The following PHF20 variants were observed in gnomAD, a reference collection of about 807,000 sequenced individuals.
PHF20 encodes glioma-expressed antigen 2.
In PHF20, 23 loss-of-function variants were observed where a neutral mutation model predicts 113.5. The ratio of observed to expected loss-of-function variants is 0.20; its 90% CI spans 0.15 to 0.29. The LOEUF is 0.29. Among genes scored for constraint, PHF20 ranks in the 10% least tolerant of loss-of-function variants. The probability of loss-of-function intolerance (pLI) is 1.00; values close to 1 mark genes in which losing one functional copy is unlikely to be tolerated. For missense variants in PHF20, 943 were observed against 1,219.6 expected, an observed-to-expected ratio of 0.77 and a Z score of 3.38; for synonymous variants, 434 against 457.3, an observed-to-expected ratio of 0.95 and a Z score of 0.65.
intron 2 of PHF20, among the ~76,000 whole-genome samples, chr20:35,831,742 T>C (rs2425158): frequency 0.26 from 39,333 of 152,120 alleles, 5,903 homozygotes; most frequent in African/African-American, 0.42. Flanking sequence ...CGCCCAGCCT[T>C]ACACACTAAA....
chr20:35,780,785 T>C (rs1324219686), intron 1 of PHF20, among the ~76,000 whole-genome samples: 1 of 151,572 alleles, frequency 6.6e-6, no homozygotes, highest in Non-Finnish European at 1.5e-5. Flanking sequence ...TGATCTCAGA[T>C]GATCCACCAG....
In PHF20 at chr20:35,913,306, A is replaced by T; in HGVS notation, c.1619A>T (p.Lys540Met). The part of the protein sequence containing the change: ...EKKFKEFVRV[K>M]PKKKKKKKKK... ...AAATTCAAGGAGTTTGTGAGAGTGA[A>T]GCCAAAGAAGAAAAAGAAAAAGAAA... Residue 540 changes from lysine (K) to methionine (M), a missense_variant, in exon 11 of 18, where the codon AAG (lysine) becomes ATG (methionine). This residue lies in a region of PHF20 where 592 missense variants were observed against 787.2 expected (regional missense o/e 0.75). Transcript: ENST00000374012. 1 of 1,603,054 alleles carries T rather than the reference A, an allele frequency of 6.2e-7. No homozygotes were observed. The highest frequency in any genetic ancestry group is 8.5e-7 in the Non-Finnish European group (1 of 1,175,302).
chr20:35,849,778 A>G (rs2146948753), intron 4 of PHF20, among the ~76,000 whole-genome samples: 2 of 149,616 alleles, frequency 1.3e-5, no homozygotes, highest in Admixed American at 1.3e-4. Flanking sequence ...TATTTCCTGT[A>G]AATGTCACTT....
chr20:35,804,130 G>GCA (rs2041837485), intron 2 of PHF20, among the ~76,000 whole-genome samples: 1 of 151,388 alleles, frequency 6.6e-6, no homozygotes, highest in African/African-American at 2.4e-5. Context: ...GCTGGAGTGT[G>GCA]GTGGCACAAT....
intron 10 of PHF20, among the ~76,000 whole-genome samples, chr20:35,908,367 C>T (rs1437370842): frequency 6.6e-6 from 1 of 152,254 alleles, no homozygotes; most frequent in East Asian, 1.9e-4. Context: ...TGACCACTAT[C>T]TTTAGCCAGA....
intron 1 of PHF20, among the ~76,000 whole-genome samples, chr20:35,798,881 C>G (rs1015662752): frequency 1.3e-5 from 2 of 152,048 alleles, no homozygotes; most frequent in African/African-American, 4.8e-5. Flanking sequence ...CCTGCCTCAG[C>G]CTTTTCAGTA....
chr20:35,919,382 C>T (rs2055468260), intron 13 of PHF20, among the ~76,000 whole-genome samples: 1 of 150,348 alleles, frequency 6.7e-6, no homozygotes, highest in Non-Finnish European at 1.5e-5. Flanking sequence ...CTCTGTCACC[C>T]AGGCTGGAGT....
chr20:35,779,817 G>A (rs1429330496), intron 1 of PHF20, among the ~76,000 whole-genome samples: 3 of 152,152 alleles, frequency 2.0e-5, no homozygotes, highest in Admixed American at 6.6e-5. Context: ...CACTGTGCCC[G>A]GCCAATGCCT....
rs1600946852 is a variant in PHF20 at position 35,926,261 on chromosome 20, G to A, written c.2005-1519G>A. Among the ~76,000 whole-genome samples, 6 of 124,662 alleles carry A rather than the reference G, an allele frequency of 4.8e-5. No individual in the cohort carries two copies. The East Asian group carries it at 9.4e-4, about 20-fold the overall frequency. The allele number at this position is 124,662 out of a possible 152,430, so 81.8% of individuals were successfully genotyped here. ...TTTTTTTTTTTTTTTTTTTTGAGAC[G>A]GAGTCTCGCTCTGTGGCCCAGGTGG... On this transcript the variant is annotated intron_variant, in intron 13 of 17. Coordinates refer to ENST00000374012, the MANE Select transcript of PHF20 (RefSeq NM_016436.5).
At position 35,927,766 on chromosome 20, in the gene PHF20, T is replaced by C; in HGVS notation, c.2005-14T>C. ...TTCTGAGTTTAATTTTTGTTGCTTC[T>C]TTAATTCTAACAGTGTGAAGAGTGC... On this transcript the variant is annotated splice_polypyrimidine_tract_variant and intron_variant, in intron 13 of 17. Transcript: ENST00000374012. 6.2e-7 allele frequency: 1 copy of C among 1,601,416 alleles called. No individual in the cohort carries two copies. Among genetic ancestry groups the C allele is most frequent in the Non-Finnish European group, 8.6e-7 (1 of 1,168,458 alleles).
intron 3 of PHF20, among the ~76,000 whole-genome samples, chr20:35,846,063 C>T (rs2042618230): frequency 1.3e-5 from 2 of 152,114 alleles, no homozygotes; most frequent in Admixed American, 1.3e-4. Flanking sequence ...CTGTGTCCGG[C>T]TTATTTTCTG....
intron 1 of PHF20, among the ~76,000 whole-genome samples, chr20:35,786,215 C>G (rs1275757730): frequency 6.8e-6 from 1 of 146,352 alleles, no homozygotes; most frequent in Non-Finnish European, 1.5e-5. Context: ...GGTAAAACCC[C>G]GTCTCTACTA....
At chr20:35,804,337 C>T (rs1434990636) in intron 2 of PHF20, among the ~76,000 whole-genome samples, 1 of 151,450 alleles carries the variant, frequency 6.6e-6, no homozygotes, top group East Asian at 1.9e-4. Context: ...GGGTTCACGC[C>T]ATTCTCCTGC....
intron 13 of PHF20, among the ~76,000 whole-genome samples, chr20:35,919,968 G>C (rs6058364): frequency 0.098 from 14,844 of 152,202 alleles, 780 homozygotes; most frequent in South Asian, 0.15. Context: ...ATAATCACTA[G>C]AGCTTATTCA....
intron 2 of PHF20, among the ~76,000 whole-genome samples, chr20:35,842,340 AAAAAT>A (rs780070289): frequency 4.2e-4 from 64 of 152,290 alleles, no homozygotes; most frequent in African/African-American, 7.7e-4. Flanking sequence ...ACTCTGTCTC[AAAAAT>A]AAAATAAAAT....
At chr20:35,929,581 G>T (rs1486974727) in intron 14 of PHF20, among the ~76,000 whole-genome samples, 1 of 152,252 alleles carries the variant, frequency 6.6e-6, no homozygotes, top group African/African-American at 2.4e-5. Flanking sequence ...AGCTGCCTCT[G>T]GGGTTCCCCC....
chr20:35,818,586 C>G (rs2042115232), intron 2 of PHF20, among the ~76,000 whole-genome samples: 1 of 152,032 alleles, frequency 6.6e-6, no homozygotes, highest in Non-Finnish European at 1.5e-5. Context: ...GTCACCAAGG[C>G]TGGAGTGCAG....
chr20:35,917,669 A>G lies in PHF20; in HGVS notation c.2004+7A>G. ...AAATGACTTCATGATTCAGGTAGGC[A>G]GAGCTTCCAGGAAACAGGTCTAGAG... On this transcript the variant is annotated splice_region_variant and intron_variant, in intron 13 of 17. Coordinates refer to ENST00000374012, the MANE Select transcript of PHF20 (RefSeq NM_016436.5). 1 of 1,610,882 alleles carries G rather than the reference A, an allele frequency of 6.2e-7. No homozygotes were observed. Among genetic ancestry groups the G allele is most frequent in the Non-Finnish European group, 8.5e-7 (1 of 1,178,420 alleles).
At chr20:35,943,859 T>A (rs898944217) in intron 17 of PHF20, among the ~76,000 whole-genome samples, 25 of 152,176 alleles carry the variant, frequency 1.6e-4, no homozygotes, top group African/African-American at 5.8e-4. Flanking sequence ...GACCTCATGA[T>A]CTGCCTGCCT....
Sources: gnomAD v4.1 joint callset for allele counts (sites outside exome capture counted in the v4.1 genomes callset) on GRCh38, gnomAD v4.1.1 for gene constraint, gnomAD v4.1.1 regional missense constraint, MANE v1.5 for transcripts, NCBI Gene and HGNC (gene_info 2026-07-23, HGNC 2026-07-21) for gene names.